PTPRD: variants seen among roughly 807,000 people sequenced by gnomAD.
PTPRD encodes the protein receptor-type tyrosine-protein phosphatase delta.
PTPRD carries 34 observed loss-of-function variants against 214.5 expected under a neutral mutation model. The ratio of observed to expected loss-of-function variants is 0.16; its 90% confidence interval spans 0.12 to 0.21. PTPRD has a LOEUF of 0.21. PTPRD is among the 10% of genes least tolerant of loss of function. The probability of loss-of-function intolerance (pLI) is 1.00; values close to 1 mark genes in which losing one functional copy is unlikely to be tolerated. For missense variants in PTPRD, 2,545 were observed against 2,398.7 expected (o/e 1.06, Z -1.27); for synonymous variants, 1,128 against 845.7 (o/e 1.33, Z -5.79).
At chr9:8,505,008 C>T (rs1451906063) in intron 22 of PTPRD, among the ~76,000 whole-genome samples, 1 of 152,150 alleles carries the variant, frequency 6.6e-6, no homozygotes, top group African/African-American at 2.4e-5. Context: ...TCTGAAACCA[C>T]ATTACTACCC....
intron 2 of PTPRD, among the ~76,000 whole-genome samples, chr9:10,392,973 G>C (rs1469135975): frequency 6.6e-6 from 1 of 151,750 alleles, no homozygotes; most frequent in Non-Finnish European, 1.5e-5. Context: ...CAAAGTAGCA[G>C]AGCAGAGCAG....
intron 3 of PTPRD, among the ~76,000 whole-genome samples, chr9:10,263,902 G>A (rs904314784): frequency 2.6e-5 from 4 of 152,110 alleles, no homozygotes; most frequent in African/African-American, 9.7e-5. Flanking sequence ...GCTGTTTGCT[G>A]CCTAGGGACT....
intron 21 of PTPRD, among the ~76,000 whole-genome samples, chr9:8,509,316 G>T (rs546182253): frequency 1.3e-5 from 2 of 152,292 alleles, no homozygotes; most frequent in African/African-American, 2.4e-5. Flanking sequence ...TGACCAGATA[G>T]ATGGGAAAAT....
intron 3 of PTPRD, among the ~76,000 whole-genome samples, chr9:10,044,671 A>G (rs2097357457): frequency 6.6e-6 from 1 of 151,924 alleles, no homozygotes; most frequent in East Asian, 1.9e-4. Flanking sequence ...CTAAGAAATT[A>G]AAGCTCAGGG....
chr9:8,690,724 TA>T (rs761920224), intron 12 of PTPRD, among the ~76,000 whole-genome samples: 1 of 151,836 alleles, frequency 6.6e-6, no homozygotes, highest in East Asian at 1.9e-4. Context: ...AGAAAAGACA[TA>T]AAAAATATTA....
In PTPRD at chr9:8,485,907, C is replaced by G. The variant is rs2135923360; in HGVS notation, c.2910G>C (p.Gln970His). The change falls in exon 28 of 46, where the codon CAG becomes CAC. Residue 970 changes from glutamine to histidine, a missense_variant. By Grantham distance (24) the Gln-to-His change is conservative (BLOSUM62 0). Coordinates refer to ENST00000381196, the MANE Select transcript of PTPRD (RefSeq NM_002839.4). ...TAGTGGTGTCAGCTGGAACAATAAG[C>G]TGCTCCATCGGGAGAAGGGGGATGT... The part of the protein sequence containing the change: ...DINIPLLPME[Q>H]LIVPADTTMT... The G allele has an allele frequency of 6.2e-7, 1 of 1,614,148 alleles. No homozygotes were observed. The highest frequency in any genetic ancestry group is 1.6e-4 in the Middle Eastern group (1 of 6,062).
At position 8,633,254 on chromosome 9, in the gene PTPRD, G is replaced by A. The variant is rs540066410; in HGVS notation, c.352+63C>T. On this transcript the variant is annotated intron_variant, in intron 14 of 45. Transcript: ENST00000381196. ...TCACAATGCTAGTCTTTTCAATGAT[G>A]CTACAAAAGAGATACAGAATTGTAA... The A allele has an allele frequency of 1.8e-4, 275 of 1,554,018 alleles. 2 individuals carry two copies. In the South Asian group the frequency reaches 3.1e-3, roughly 17 times the overall value.
chr9:9,742,241 G>T (rs1275699587), intron 6 of PTPRD, among the ~76,000 whole-genome samples: 1 of 152,074 alleles, frequency 6.6e-6, no homozygotes, highest in African/African-American at 2.4e-5. Context: ...AGTAAAATTG[G>T]CTGAGAAACT....
intron 14 of PTPRD, among the ~76,000 whole-genome samples, chr9:8,579,277 C>T (rs2092799335): frequency 6.6e-6 from 1 of 152,172 alleles, no homozygotes; most frequent in Non-Finnish European, 1.5e-5. Flanking sequence ...CTTCTTTTCT[C>T]TTGGATCTAA....
chr9:10,148,788 T>G (rs1156405637), intron 3 of PTPRD, among the ~76,000 whole-genome samples: 3 of 152,182 alleles, frequency 2.0e-5, no homozygotes, highest in African/African-American at 7.2e-5. Flanking sequence ...ACCATGTCTA[T>G]GTATACTTTA....
At chr9:9,582,538 AG>A (rs1223811111) in intron 7 of PTPRD, among the ~76,000 whole-genome samples, 1 of 149,708 alleles carries the variant, frequency 6.7e-6, no homozygotes, top group Non-Finnish European at 1.5e-5. Flanking sequence ...ATATGGAAAA[AG>A]AAAGCAGATT....
At chr9:10,560,919 T>G (rs920144121) in intron 2 of PTPRD, among the ~76,000 whole-genome samples, 1 of 152,200 alleles carries the variant, frequency 6.6e-6, no homozygotes, top group African/African-American at 2.4e-5. Context: ...GACACAGACC[T>G]CAGAGAGTGC....
intron 11 of PTPRD, chr9:8,860,361 T>G (rs1037539185): frequency 2.0e-5 from 3 of 152,310 alleles, no homozygotes; most frequent in African/African-American, 7.2e-5. Flanking sequence ...CAGAGGACAG[T>G]ACAAGTAAAT....
intron 3 of PTPRD, among the ~76,000 whole-genome samples, chr9:10,091,948 A>G (rs886654206): frequency 6.6e-6 from 1 of 151,420 alleles, no homozygotes; most frequent in African/African-American, 2.4e-5. Context: ...TCAGAGTAGT[A>G]GTACAGTACA....
chr9:9,443,017 T>G (rs2088818110), intron 8 of PTPRD, among the ~76,000 whole-genome samples: 1 of 152,152 alleles, frequency 6.6e-6, no homozygotes, highest in South Asian at 2.1e-4. Context: ...TAAGTATTCT[T>G]TCTTAAATTG....
intron 2 of PTPRD, among the ~76,000 whole-genome samples, chr9:10,428,486 T>C (rs1244423192): frequency 2.0e-5 from 3 of 152,110 alleles, no homozygotes; most frequent in African/African-American, 7.2e-5. Context: ...TTTACCTTTT[T>C]GTCTCAATGC....
intron 8 of PTPRD, among the ~76,000 whole-genome samples, chr9:9,476,674 T>C (rs934244479): frequency 6.6e-6 from 1 of 152,202 alleles, no homozygotes; most frequent in Admixed American, 6.5e-5. Context: ...CTAATGAGTA[T>C]ACAGATAGAA....
At chr9:9,703,376 T>C (rs1034726230) in intron 7 of PTPRD, among the ~76,000 whole-genome samples, 6 of 152,186 alleles carry the variant, frequency 3.9e-5, no homozygotes, top group Non-Finnish European at 7.3e-5. Context: ...CTCAAACTTT[T>C]ATGATACTCT....
intron 6 of PTPRD, among the ~76,000 whole-genome samples, chr9:9,753,586 C>G (rs961117836): frequency 1.3e-5 from 2 of 151,988 alleles, no homozygotes; most frequent in Non-Finnish European, 2.9e-5. Context: ...TATAAATCAA[C>G]AGTCTGCCAG....
Sources: gnomAD v4.1 joint callset for allele counts (sites outside exome capture counted in the v4.1 genomes callset) on GRCh38, gnomAD v4.1.1 for gene constraint, MANE v1.5 for transcripts, NCBI Gene and HGNC (gene_info 2026-07-23, HGNC 2026-07-21) for gene names.